Variants in WNK2 observed in about 807,000 individuals in gnomAD.
The protein encoded by WNK2 is WNK lysine deficient protein kinase 2.
In WNK2, 67 loss-of-function variants were observed where a neutral mutation model predicts 192.1. The ratio of observed to expected loss-of-function variants is 0.35; its 90% CI spans 0.29 to 0.43. The LOEUF (loss-of-function observed/expected upper bound fraction) is 0.43, where lower values mean the gene tolerates loss of function less well. WNK2 is among the 20% of genes least tolerant of loss of function. WNK2 has a pLI of 1.00. For missense variants in WNK2, 2,698 were observed against 3,089.7 expected, an observed-to-expected ratio of 0.87 and a Z score of 3.01; for synonymous variants, 1,439 against 1,393.9, an observed-to-expected ratio of 1.03 and a Z score of -0.72.
At chr9:93,198,352 G>A (rs1255518753) in intron 2 of WNK2, among the ~76,000 whole-genome samples, 2 of 152,238 alleles carry the variant, frequency 1.3e-5, no homozygotes, top group African/African-American at 2.4e-5. Flanking sequence ...CCAGGCAGGC[G>A]GGGCTTGCTG....
intron 26 of WNK2, among the ~76,000 whole-genome samples, chr9:93,302,414 G>A (rs1851768886): frequency 6.6e-6 from 1 of 152,166 alleles, no homozygotes; most frequent in African/African-American, 2.4e-5. Flanking sequence ...ATGCCAAGGT[G>A]CGGCTAGTGG....
At position 93,239,699 on chromosome 9, in the gene WNK2, G is replaced by A. The variant is rs953040080; in HGVS notation, c.1323-58G>A. The A allele has an allele frequency of 1.3e-5, 19 of 1,475,600 alleles. No homozygotes were observed. In the African/African-American group the frequency reaches 2.5e-4, roughly 20 times the overall value. 91.4% of individuals were successfully genotyped at this position (1,475,600 alleles called of 1,614,324 possible). A position where few individuals can be genotyped will look rare whatever the true frequency, so the allele number is the denominator to read the frequency against. On this transcript the variant is annotated intron_variant, in intron 6 of 29. Transcript: ENST00000427277. The surrounding 1 kb of genome is among the most constrained non-coding windows in gnomAD (Gnocchi z 4.2). Reference sequence around the variant, plus strand: ...TGTCCTGGTGCGCATGGACACAGGAGCCTGGGCATGGAGGCCCTGGCGCCC... The same window carrying A: ...TGTCCTGGTGCGCATGGACACAGGAACCTGGGCATGGAGGCCCTGGCGCCC...
intron 2 of WNK2, among the ~76,000 whole-genome samples, chr9:93,210,876 C>T (rs1263915732): frequency 3.3e-5 from 5 of 152,160 alleles, no homozygotes; most frequent in South Asian, 2.1e-4. Context: ...TGTCCAGGGC[C>T]GCTATGGGAG....
chr9:93,319,109 C>G (rs554368379), intron 29 of WNK2: 4 of 1,614,186 alleles, frequency 2.5e-6, no homozygotes, highest in Non-Finnish European at 3.4e-6. Context: ...ACCTGTCCCC[C>G]TTGCCTGTGA....
chr9:93,273,142 CTTTA>C (rs1437352791), intron 19 of WNK2, among the ~76,000 whole-genome samples: 2 of 152,168 alleles, frequency 1.3e-5, no homozygotes, highest in Non-Finnish European at 2.9e-5. Context: ...TAAAAAGAGA[CTTTA>C]TTTATTTACT....
At chr9:93,225,096 C>T (rs536414672) in intron 2 of WNK2, among the ~76,000 whole-genome samples, 4 of 152,192 alleles carry the variant, frequency 2.6e-5, no homozygotes, top group South Asian at 2.1e-4. Context: ...ACACACTAAC[C>T]GACTGTTAAA....
intron 19 of WNK2, among the ~76,000 whole-genome samples, chr9:93,282,919 T>TTCAA (rs2133636770): frequency 6.6e-6 from 1 of 152,298 alleles, no homozygotes; most frequent in South Asian, 2.1e-4. Context: ...CTCAACAAGT[T>TTCAA]TCAAAGAATC....
At chr9:93,213,045 G>A (rs965282817) in intron 2 of WNK2, among the ~76,000 whole-genome samples, 1 of 133,472 alleles carries the variant, frequency 7.5e-6, no homozygotes, top group African/African-American at 2.5e-5. Flanking sequence ...CCTCATTTGT[G>A]TATCAGCCTA....
At chr9:93,192,185 G>A (rs1409142052) in intron 2 of WNK2, among the ~76,000 whole-genome samples, 1 of 151,982 alleles carries the variant, frequency 6.6e-6, no homozygotes, top group African/African-American at 2.4e-5. Context: ...GTGGTGGCAG[G>A]CACCTGTAGT....
chr9:93,185,948 C>T (rs191822602), intron 2 of WNK2, among the ~76,000 whole-genome samples: 1 of 152,332 alleles, frequency 6.6e-6, no homozygotes, highest in Non-Finnish European at 1.5e-5. Context: ...TGCTGCTTCT[C>T]CAGTCCCGAT....
intron 13 of WNK2, 125 bp from the exon 14 acceptor site, chr9:93,262,545 G>A: frequency 9.7e-7 from 1 of 1,029,072 alleles, no homozygotes; most frequent in Non-Finnish European, 1.5e-6. Context: ...GAAGAGAGCA[G>A]GAGAACGCAG....
In WNK2 at chr9:93,256,875, CAT is replaced by C. The variant is rs1843393324; in HGVS notation, c.2191-72_2191-71del. 6.5e-6 allele frequency: 9 copies of C among 1,377,378 alleles called. No homozygotes were observed. In the Admixed American group the frequency reaches 9.9e-5, roughly 15 times the overall value. 85.3% of individuals were successfully genotyped at this position (1,377,378 alleles called of 1,614,324 possible). ...GTGAGGGTGAGGGTTGATATCCTGT[CAT>C]GTGTAACCAGTGGGGTGCGCTTGTC... On this transcript the variant is annotated intron_variant, in intron 10 of 29. Coordinates refer to ENST00000427277, the MANE Select transcript of WNK2 (RefSeq NM_006648.4).
intron 2 of WNK2, among the ~76,000 whole-genome samples, chr9:93,203,611 G>A (rs1479672992): frequency 6.6e-6 from 1 of 152,132 alleles, no homozygotes; most frequent in African/African-American, 2.4e-5. Context: ...TTTGCAGATG[G>A]GATTAAGTTA....
chr9:93,247,890 A>G lies in WNK2; in HGVS notation c.1834+56A>G. 2.0e-6 allele frequency: 3 copies of G among 1,499,936 alleles called. No individual in the cohort carries two copies. In the African/African-American group the frequency reaches 4.2e-5, roughly 21 times the overall value. The allele number at this position is 1,499,936 out of a possible 1,614,324, so 92.9% of individuals were successfully genotyped here. ...CACCCCTCCCACCTACCCTGCAAAA[A>G]CCAGCTATTGGGCAAAGAAAAATGA... On this transcript the variant is annotated intron_variant, in intron 8 of 29. Transcript: ENST00000427277. This position sits in a 1 kb window ranked among gnomAD's most constrained non-coding sequence, Gnocchi z 5.2.
rs967616002 is a variant in WNK2 at position 93,196,816 on chromosome 9, G to A, written c.681+11206G>A. Among the ~76,000 whole-genome samples the A allele has an allele frequency of 3.3e-5, 5 of 152,132 alleles. 1 individual carries two copies. Among genetic ancestry groups the A allele is most frequent in the South Asian group, 4.1e-4 (2 of 4,826 alleles). On this transcript the variant is annotated intron_variant, in intron 2 of 29. Coordinates refer to ENST00000427277, the MANE Select transcript of WNK2 (RefSeq NM_006648.4). ...AGGGGTGGCGGGCTGTGGGTGGAGC[G>A]TGCCTGCTGTGTCTGTCTTGGTTAC...
chr9:93,188,788 G>T (rs1032682344), intron 2 of WNK2, among the ~76,000 whole-genome samples: 1 of 152,102 alleles, frequency 6.6e-6, no homozygotes, highest in African/African-American at 2.4e-5. Flanking sequence ...TGCTGATCTG[G>T]GTCACTGGCC....
intron 2 of WNK2, among the ~76,000 whole-genome samples, chr9:93,200,604 C>T (rs936796535): frequency 6.6e-6 from 1 of 152,162 alleles, no homozygotes. Flanking sequence ...GAACTTGGCA[C>T]CCTCGTTTGC....
intron 28 of WNK2, chr9:93,315,782 CTTGTGTGT>C (rs71364369): frequency 0.12 from 14,311 of 117,024 alleles, 872 homozygotes; most frequent in Admixed American, 0.16. Context: ...TTGAAGACCC[CTTGTGTGT>C]GTGTGTGTGT....
At chr9:93,226,200 C>G (rs528501644) in intron 2 of WNK2, among the ~76,000 whole-genome samples, 1 of 152,350 alleles carries the variant, frequency 6.6e-6, no homozygotes, top group East Asian at 1.9e-4. Flanking sequence ...GGGGTTCTGA[C>G]ATTACACTAG....
Sources: allele counts gnomAD v4.1 joint callset (sites outside exome capture counted in the v4.1 genomes callset), GRCh38; gene constraint gnomAD v4.1.1; non-coding constraint Gnocchi (gnomAD v3.1); transcripts MANE v1.5; gene names NCBI Gene and HGNC (gene_info 2026-07-23, HGNC 2026-07-21).